ATP10B: variants seen among roughly 807,000 people sequenced by gnomAD.
ATP10B encodes phospholipid-transporting ATPase VB.
In ATP10B, 122 loss-of-function variants were observed where a neutral mutation model predicts 141.2. The observed-to-expected ratio is 0.86, with a 90% CI of 0.75 to 1.00. The LOEUF is 1.00. Ranked by LOEUF, ATP10B falls within the 50% of genes least tolerant of loss-of-function variation. The probability of loss-of-function intolerance (pLI) is 0.00; values close to 1 mark genes in which losing one functional copy is unlikely to be tolerated. For synonymous variants in ATP10B, 685 were observed against 692.0 expected, an observed-to-expected ratio of 0.99 and a Z score of 0.16; for missense variants, 1,876 against 1,825.3, an observed-to-expected ratio of 1.03 and a Z score of -0.51.
intron 6 of ATP10B, among the ~76,000 whole-genome samples, chr5:160,685,628 T>C (rs1211078341): frequency 6.6e-6 from 1 of 152,204 alleles, no homozygotes; most frequent in Admixed American, 6.5e-5. Context: ...CCAAAGAGTT[T>C]CTCCTGAACT....
At chr5:160,703,279 A>G (rs1250191389) in intron 3 of ATP10B, among the ~76,000 whole-genome samples, 2 of 152,236 alleles carry the variant, frequency 1.3e-5, no homozygotes, top group African/African-American at 4.8e-5. Context: ...AGTGAGTCAC[A>G]TACATTTTTT....
At chr5:160,617,496 G>A (rs975658270) in intron 16 of ATP10B, among the ~76,000 whole-genome samples, 3 of 152,004 alleles carry the variant, frequency 2.0e-5, no homozygotes, top group Admixed American at 6.6e-5. Flanking sequence ...AAAAGAAACC[G>A]GAAATCTAGA....
At chr5:160,681,602 C>A (rs916045243) in intron 6 of ATP10B, among the ~76,000 whole-genome samples, 1 of 152,144 alleles carries the variant, frequency 6.6e-6, no homozygotes, top group Non-Finnish European at 1.5e-5. Context: ...GTACCAAGAC[C>A]CCTGCCCCCA....
chr5:160,611,219 T>C (rs1757701658), intron 18 of ATP10B, among the ~76,000 whole-genome samples: 1 of 152,118 alleles, frequency 6.6e-6, no homozygotes, highest in Non-Finnish European at 1.5e-5. Flanking sequence ...GAATTAAAGG[T>C]GGAGTATGGC....
intron 24 of ATP10B, among the ~76,000 whole-genome samples, chr5:160,588,690 A>G (rs1756074525): frequency 6.6e-6 from 1 of 152,174 alleles, no homozygotes; most frequent in East Asian, 1.9e-4. Flanking sequence ...AAATCTGTAA[A>G]ATGGGAATAT....
rs181157241 is a variant in ATP10B, at chr5:160,583,190, T to C, written c.3750+6402A>G. On this transcript the variant is annotated intron_variant, in intron 24 of 25. Transcript: ENST00000327245. Reference sequence around the variant, plus strand: ...GTTTTTGGAATTTTCAGCCTTTTTGTGCTGTTTTTTTCTCATCTTCATGGA... The same window carrying C: ...GTTTTTGGAATTTTCAGCCTTTTTGCGCTGTTTTTTTCTCATCTTCATGGA... Among the ~76,000 whole-genome samples, 576 of 152,314 alleles carry C rather than the reference T, an allele frequency of 3.8e-3. 11 individuals are homozygous for C. Among genetic ancestry groups the C allele is most frequent in the Non-Finnish European group, 1.8e-3 (124 of 68,020 alleles).
chr5:160,889,202 C>A, the ATP10B span, among the ~76,000 whole-genome samples: 1 of 152,188 alleles, frequency 6.6e-6, no homozygotes, highest in Non-Finnish European at 1.5e-5. Flanking sequence ...TGCCAGCCAA[C>A]CCCGCAGCCT....
intron 22 of ATP10B, among the ~76,000 whole-genome samples, chr5:160,595,656 A>C (rs1331490369): frequency 2.6e-5 from 4 of 152,030 alleles, no homozygotes; most frequent in Admixed American, 6.5e-5. Context: ...AAGATTAATA[A>C]AGAAAAAAAG....
intron 21 of ATP10B, among the ~76,000 whole-genome samples, chr5:160,599,875 T>A (rs1474521728): frequency 1.3e-5 from 2 of 152,168 alleles, no homozygotes; most frequent in African/African-American, 2.4e-5. Context: ...ACTTCTCAGT[T>A]ATGTGGGGCT....
chr5:160,730,474 T>C (rs1766663200), intron 2 of ATP10B, among the ~76,000 whole-genome samples: 1 of 151,878 alleles, frequency 6.6e-6, no homozygotes, highest in Admixed American at 6.6e-5. Context: ...CCCCACCTGA[T>C]GGGAGTTGTT....
At chr5:160,571,354 A>C (rs2127594708) in intron 24 of ATP10B, among the ~76,000 whole-genome samples, 1 of 152,262 alleles carries the variant, frequency 6.6e-6, no homozygotes, top group South Asian at 2.1e-4. Flanking sequence ...ATTGAAACTT[A>C]TAGTTATTGT....
At chr5:160,927,130 A>G in the ATP10B span, among the ~76,000 whole-genome samples, 2 of 152,212 alleles carry the variant, frequency 1.3e-5, no homozygotes, top group Admixed American at 6.5e-5. Flanking sequence ...AGTACAGCTC[A>G]TAGAAACACC....
chr5:160,744,706 T>C (rs546038947), intron 2 of ATP10B, among the ~76,000 whole-genome samples: 27 of 152,356 alleles, frequency 1.8e-4, no homozygotes, highest in Admixed American at 1.3e-3. Context: ...CTATGAAGCA[T>C]TTCAATGACA....
At chr5:160,719,844 C>T (rs1252765095) in intron 2 of ATP10B, among the ~76,000 whole-genome samples, 2 of 152,178 alleles carry the variant, frequency 1.3e-5, no homozygotes, top group African/African-American at 4.8e-5. Context: ...GAAGGTTAAG[C>T]AGCTTCCTGA....
intron 14 of ATP10B, 54 bp from the exon 15 acceptor site, chr5:160,621,004 C>G: frequency 6.5e-7 from 1 of 1,547,740 alleles, no homozygotes; most frequent in Admixed American, 1.9e-5. Flanking sequence ...GAAATAATAC[C>G]AAGTTGTCTT....
At chr5:160,648,481 T>C (rs1760455998) in intron 8 of ATP10B, among the ~76,000 whole-genome samples, 1 of 152,208 alleles carries the variant, frequency 6.6e-6, no homozygotes. Flanking sequence ...TCTGTTACTA[T>C]GGCTCTTATT....
chr5:160,838,826 G>T (rs551428942), intron 1 of ATP10B, among the ~76,000 whole-genome samples: 3 of 152,140 alleles, frequency 2.0e-5, no homozygotes, highest in Non-Finnish European at 4.4e-5. Flanking sequence ...GTTGGAGGTG[G>T]GACCTGGTGG....
At chr5:160,807,115 G>C (rs1470975205) in intron 1 of ATP10B, among the ~76,000 whole-genome samples, 1 of 152,172 alleles carries the variant, frequency 6.6e-6, no homozygotes, top group Admixed American at 6.5e-5. Flanking sequence ...GAACAGTTCT[G>C]TTCCACCAAT....
At chr5:160,809,829 C>T (rs148324748) in intron 1 of ATP10B, among the ~76,000 whole-genome samples, 1 of 152,108 alleles carries the variant, frequency 6.6e-6, no homozygotes, top group Non-Finnish European at 1.5e-5. Context: ...CAGAAGGGAT[C>T]GGGACTGAGA....
Sources: allele counts gnomAD v4.1 joint callset (sites outside exome capture counted in the v4.1 genomes callset), GRCh38; gene constraint gnomAD v4.1.1; transcripts MANE v1.5; gene names NCBI Gene and HGNC (gene_info 2026-07-23, HGNC 2026-07-21).